Variants in TSPAN8 observed in about 807,000 individuals in gnomAD.
TSPAN8 encodes the protein tetraspanin-8.
Under a neutral mutation model 32.8 loss-of-function variants are expected in TSPAN8, and 21 were observed. The ratio of observed to expected loss-of-function variants is 0.64; its 90% CI spans 0.45 to 0.92. The LOEUF is 0.92. TSPAN8 is among the 40% of genes least tolerant of loss of function. TSPAN8 has a pLI of 0.00. For missense variants in TSPAN8, 269 were observed against 281.9 expected (o/e 0.95, Z 0.33); for synonymous variants, 95 against 94.6 (o/e 1.00, Z -0.03).
chr12:71,128,437 C>T (rs886521935), intron 8 of TSPAN8, among the ~76,000 whole-genome samples: 1 of 152,150 alleles, frequency 6.6e-6, no homozygotes, highest in Admixed American at 6.5e-5. Flanking sequence ...AGGCACTCAG[C>T]TGAGCTAACC....
intron 7 of TSPAN8, among the ~76,000 whole-genome samples, chr12:71,130,806 T>G (rs1297561091): frequency 1.3e-5 from 2 of 152,160 alleles, no homozygotes; most frequent in East Asian, 3.8e-4. Context: ...CCTCTTTGCC[T>G]AAGATAATGA....
At position 71,125,379 on chromosome 12, in the gene TSPAN8, A is replaced by G. The variant is rs2137042894; in HGVS notation, c.669T>C (p.Gly223=). The G allele has an allele frequency of 6.2e-7, 1 of 1,612,628 alleles. No individual in the cohort carries two copies. Among genetic ancestry groups the G allele is most frequent in the Admixed American group, 1.7e-5 (1 of 59,716 alleles). The change falls in exon 9 of 9, where the codon GGT becomes GGC. Residue 223 remains glycine, a synonymous_variant. Coordinates refer to ENST00000247829, the MANE Select transcript of TSPAN8 (RefSeq NM_004616.3). The stretch of plus-strand genomic sequence containing the variant: ...AATACAGGACCATAGAAAACACCAA[A>G]CCCAGTATCTAGAGAACAAAATAAC... The part of the protein sequence containing the change: ...SFGLAVIEIL[G]LVFSMVLYCQ...
chr12:71,144,693 A>G (rs946393561), intron 2 of TSPAN8, among the ~76,000 whole-genome samples: 1 of 152,166 alleles, frequency 6.6e-6, no homozygotes, highest in Non-Finnish European at 1.5e-5. Flanking sequence ...AGGGGGAAAA[A>G]GTAAAACATA....
chr12:71,131,839 T>C (rs1307412632), intron 7 of TSPAN8, among the ~76,000 whole-genome samples: 1 of 151,840 alleles, frequency 6.6e-6, no homozygotes, highest in African/African-American at 2.4e-5. Flanking sequence ...TGGGGTCCCA[T>C]AACACCTTGC....
At chr12:71,127,268 G>C (rs1205787322) in intron 8 of TSPAN8, among the ~76,000 whole-genome samples, 1 of 130,240 alleles carries the variant, frequency 7.7e-6, no homozygotes, top group African/African-American at 2.8e-5. Context: ...ATGACTGTAA[G>C]ATGAGCTATA....
chr12:71,154,904 AC>A (rs1288828164), intron 2 of TSPAN8, among the ~76,000 whole-genome samples: 17 of 152,338 alleles, frequency 1.1e-4, no homozygotes, highest in African/African-American at 4.1e-4. Context: ...TTTCAAAAGA[AC>A]TTGAGTCACC....
At chr12:71,150,700 C>G (rs1872225658) in intron 2 of TSPAN8, among the ~76,000 whole-genome samples, 1 of 152,178 alleles carries the variant, frequency 6.6e-6, no homozygotes, top group South Asian at 2.1e-4. Context: ...TGTCCTCACC[C>G]AAATTTCATC....
intron 2 of TSPAN8, among the ~76,000 whole-genome samples, chr12:71,149,262 GGAGGCT>G (rs1872169458): frequency 6.6e-6 from 1 of 151,982 alleles, no homozygotes; most frequent in Non-Finnish European, 1.5e-5. Context: ...CAGCTACTCA[GGAGGCT>G]GAGGCAGGAG....
intron 2 of TSPAN8, among the ~76,000 whole-genome samples, chr12:71,148,130 T>C (rs932390862): frequency 6.6e-6 from 1 of 152,236 alleles, no homozygotes; most frequent in African/African-American, 2.4e-5. Flanking sequence ...TATTTAGACA[T>C]GTGACTTCTT....
At chr12:71,155,459 C>A (rs1872396034) in intron 2 of TSPAN8, among the ~76,000 whole-genome samples, 1 of 152,134 alleles carries the variant, frequency 6.6e-6, no homozygotes, top group African/African-American at 2.4e-5. Context: ...ACAAACAACA[C>A]ACACCAGTGC....
chr12:71,141,504 G>C (rs1450212672), intron 3 of TSPAN8, among the ~76,000 whole-genome samples: 2 of 150,208 alleles, frequency 1.3e-5, no homozygotes, highest in Non-Finnish European at 3.0e-5. Flanking sequence ...TGGGTTATCA[G>C]AACTTAGAAA....
At chr12:71,137,318 G>T (rs774706486) in intron 6 of TSPAN8, among the ~76,000 whole-genome samples, 2 of 152,046 alleles carry the variant, frequency 1.3e-5, no homozygotes, top group Admixed American at 6.5e-5. Context: ...AGAGAGAGAG[G>T]CCATGTGCGG....
rs1871318412 is a variant in TSPAN8 at position 71,125,349 on chromosome 12, C to T, written c.699G>A (p.Gln233=). 5 of 1,612,496 alleles carry T rather than the reference C, an allele frequency of 3.1e-6. No individual in the cohort carries two copies. The highest frequency in any genetic ancestry group is 4.2e-6 in the Non-Finnish European group (5 of 1,179,358). The change falls in exon 9 of 9, where the codon CAG becomes CAA. Residue 233 remains glutamine (Q), a synonymous_variant. Coordinates refer to ENST00000247829, the MANE Select transcript of TSPAN8 (RefSeq NM_004616.3). ...GLVFSMVLYC[Q]IGNK ...ATCCACAGATTCATTTGTTCCCGAT[C>T]TGGCAATACAGGACCATAGAAAACA...
chr12:71,125,191 A>T lies in TSPAN8; in HGVS notation c.*143T>A. The T allele has an allele frequency of 1.6e-6, 1 of 642,146 alleles. No individual in the cohort carries two copies. The highest frequency in any genetic ancestry group is 2.1e-5 in the South Asian group (1 of 48,564). 39.8% of individuals were successfully genotyped at this position (642,146 alleles called of 1,614,324 possible). ...TCTTAAATGTGTTCAATATGTCTAG[A>T]AGATATCTGTGGTCTAGCTAGCCGA... On this transcript the variant is annotated 3_prime_UTR_variant, in exon 9 of 9. Coordinates refer to ENST00000247829, the MANE Select transcript of TSPAN8 (RefSeq NM_004616.3).
chr12:71,150,158 G>C (rs1872205807), intron 2 of TSPAN8, among the ~76,000 whole-genome samples: 1 of 152,110 alleles, frequency 6.6e-6, no homozygotes, highest in East Asian at 1.9e-4. Flanking sequence ...GGTAAATTTG[G>C]GGTCAGACCG....
chr12:71,150,056 G>A (rs1221185074), intron 2 of TSPAN8, among the ~76,000 whole-genome samples: 1 of 152,188 alleles, frequency 6.6e-6, no homozygotes, highest in Non-Finnish European at 1.5e-5. Context: ...TTCTCCGGGA[G>A]TGTCTGTCTT....
Position 71,125,238 on chromosome 12 carries a change from C to T in TSPAN8, c.*96G>A. The T allele has an allele frequency of 9.7e-7, 1 of 1,027,482 alleles. No individual in the cohort carries two copies. The highest frequency in any genetic ancestry group is 1.6e-5 in the African/African-American group (1 of 62,852). 63.6% of individuals were successfully genotyped at this position (1,027,482 alleles called of 1,614,324 possible). A position where few individuals can be genotyped will look rare whatever the true frequency, so the allele number is the denominator to read the frequency against. ...CCGAGACATTTTAAAAAGACAGCTGCTCCTGACTTATATAGCACTTACATA... is the reference window on the plus strand; with the variant it reads ...CCGAGACATTTTAAAAAGACAGCTGTTCCTGACTTATATAGCACTTACATA... On this transcript the variant is annotated 3_prime_UTR_variant, in exon 9 of 9. Coordinates refer to ENST00000247829, the MANE Select transcript of TSPAN8 (RefSeq NM_004616.3).
At chr12:71,129,269 T>G in intron 8 of TSPAN8, 62 bp downstream of exon 8, 1 of 1,444,784 alleles carries the variant, frequency 6.9e-7, no homozygotes, top group Non-Finnish European at 9.2e-7. Flanking sequence ...CCATCAATAT[T>G]TCTTGAAATT....
At position 71,139,777 on chromosome 12, in the gene TSPAN8, G is replaced by A; in HGVS notation, c.195C>T (p.Ile65=). ...AVDILIAVGA[I]IMILGFLGCC... is the part of the protein sequence containing the mutation. The stretch of plus-strand genomic sequence containing the variant: ...ATCCCAGGAAGCCCAGAATCATGAT[G>A]ATGGCACCTACAGCAATCAATATGT... Residue 65 remains isoleucine, a synonymous_variant, in exon 4 of 9, where the codon ATC becomes ATT. Transcript: ENST00000247829. The A allele has an allele frequency of 6.2e-7, 1 of 1,614,062 alleles. No homozygotes were observed. Among genetic ancestry groups the A allele is most frequent in the Non-Finnish European group, 8.5e-7 (1 of 1,179,946 alleles).
Sources: gnomAD v4.1 joint callset for allele counts (sites outside exome capture counted in the v4.1 genomes callset) on GRCh38, gnomAD v4.1.1 for gene constraint, MANE v1.5 for transcripts, NCBI Gene and HGNC (gene_info 2026-07-23, HGNC 2026-07-21) for gene names.